Variants in VAV3 observed in about 807,000 individuals in gnomAD.
VAV3 encodes the protein vav guanine nucleotide exchange factor 3, also known as guanine nucleotide exchange factor VAV3.
In VAV3, 94 loss-of-function variants were observed where a neutral mutation model predicts 131.2. That is an observed-to-expected ratio of 0.72 (90% CI 0.61 to 0.85). The LOEUF (loss-of-function observed/expected upper bound fraction) is 0.85. Among genes scored for constraint, VAV3 ranks in the 40% least tolerant of loss-of-function variants. The probability of loss-of-function intolerance (pLI) is 0.00; values close to 1 mark genes in which losing one functional copy is unlikely to be tolerated. For missense variants in VAV3, 939 were observed against 1,002.7 expected (o/e 0.94, Z 0.86); for synonymous variants, 349 against 342.0 (o/e 1.02, Z -0.22).
At chr1:107,651,446 A>G (rs942701965) in intron 19 of VAV3, among the ~76,000 whole-genome samples, 1 of 151,362 alleles carries the variant, frequency 6.6e-6, no homozygotes, top group African/African-American at 2.4e-5. Flanking sequence ...TATATCTACT[A>G]GACTGTGACC....
intron 1 of VAV3, among the ~76,000 whole-genome samples, chr1:107,897,869 T>TA (rs1671676232): frequency 6.6e-6 from 1 of 152,190 alleles, no homozygotes; most frequent in Non-Finnish European, 1.5e-5. Context: ...CCTTACTTTC[T>TA]AAAATCCCCT....
chr1:107,851,082 T>C (rs1034475916), intron 2 of VAV3, among the ~76,000 whole-genome samples: 7 of 148,178 alleles, frequency 4.7e-5, no homozygotes, highest in East Asian at 2.0e-4. Context: ...AACTGCCACA[T>C]GAACAAAGAA....
chr1:107,705,503 T>A (rs1660389992), intron 15 of VAV3, among the ~76,000 whole-genome samples: 1 of 152,136 alleles, frequency 6.6e-6, no homozygotes, highest in South Asian at 2.1e-4. Context: ...TAATGGTCCA[T>A]AACAAGGAAT....
intron 19 of VAV3, among the ~76,000 whole-genome samples, chr1:107,658,972 T>C (rs1031418389): frequency 6.6e-5 from 10 of 152,198 alleles, no homozygotes; most frequent in African/African-American, 2.4e-4. Flanking sequence ...CATTTGTCAA[T>C]TTTGGCTTTT....
intron 6 of VAV3, 65 bp from the exon 7 acceptor site, chr1:107,768,574 T>C (rs1463520901): frequency 7.5e-7 from 1 of 1,332,050 alleles, no homozygotes; most frequent in Non-Finnish European, 1.1e-6. Flanking sequence ...TAATAGTTTT[T>C]CATCAACAAA....
At chr1:107,616,230 A>G (rs1048688622) in intron 21 of VAV3, among the ~76,000 whole-genome samples, 1 of 152,208 alleles carries the variant, frequency 6.6e-6, no homozygotes, top group East Asian at 1.9e-4. Context: ...AATATGGTAC[A>G]TATACACCAT....
Position 107,683,496 on chromosome 1 carries a change from A to T in VAV3, c.1769T>A (p.Val590Glu). 6.2e-7 allele frequency: 1 copy of T among 1,614,030 alleles called. No individual in the cohort carries two copies. The highest frequency in any genetic ancestry group is 2.2e-5 in the East Asian group (1 of 44,874). ...TTTAATCAGAAACACACCTGGATCC[A>T]CCTGTTTAGGAGTTCTTCGCAGTCC... ...TNGLRRTPKQ[V>E]DPGLPKMQVI... The change falls in exon 19 of 27, where the codon GTG becomes GAG. Residue 590 changes from valine to glutamate, a missense_variant. By Grantham distance (121) the Val-to-Glu change is moderately radical (BLOSUM62 -2). Transcript: ENST00000370056.
At chr1:107,608,233 C>T (rs575028953) in intron 22 of VAV3, among the ~76,000 whole-genome samples, 76 of 152,222 alleles carry the variant, frequency 5.0e-4, no homozygotes, top group African/African-American at 1.8e-3. Flanking sequence ...AACCTACCTT[C>T]GGGTGCCCTG....
intron 1 of VAV3, among the ~76,000 whole-genome samples, chr1:107,939,756 T>C (rs1408560754): frequency 6.6e-6 from 1 of 152,092 alleles, no homozygotes; most frequent in Non-Finnish European, 1.5e-5. Context: ...GAAGTGATCC[T>C]GAGGAGCAGA....
At chr1:107,611,692 T>C (rs980642397) in intron 21 of VAV3, among the ~76,000 whole-genome samples, 4 of 151,470 alleles carry the variant, frequency 2.6e-5, no homozygotes, top group Admixed American at 1.3e-4. Flanking sequence ...CCTTTGGCTG[T>C]TAAAAAGGCT....
At chr1:107,874,253 T>C (rs918477764) in intron 2 of VAV3, among the ~76,000 whole-genome samples, 2 of 152,224 alleles carry the variant, frequency 1.3e-5, no homozygotes, top group Non-Finnish European at 2.9e-5. Flanking sequence ...GAAATGATGA[T>C]TTGTTTCACT....
intron 19 of VAV3, among the ~76,000 whole-genome samples, chr1:107,682,773 C>T (rs1658739629): frequency 1.3e-5 from 2 of 152,274 alleles, no homozygotes; most frequent in African/African-American, 4.8e-5. Context: ...TTCTCATGTT[C>T]CCCTTGGTTT....
At chr1:107,794,685 C>A (rs759440212) in intron 2 of VAV3, among the ~76,000 whole-genome samples, 1 of 152,170 alleles carries the variant, frequency 6.6e-6, no homozygotes, top group Non-Finnish European at 1.5e-5. Flanking sequence ...ACCTTAGGAG[C>A]CCTGGAAGAC....
At chr1:107,721,447 G>C (rs1183696610) in intron 15 of VAV3, among the ~76,000 whole-genome samples, 1 of 152,150 alleles carries the variant, frequency 6.6e-6, no homozygotes. Context: ...GAAAAGCACT[G>C]AGAAAATGAG....
intron 22 of VAV3, among the ~76,000 whole-genome samples, chr1:107,605,756 A>G (rs1652213436): frequency 1.3e-5 from 2 of 152,240 alleles, no homozygotes; most frequent in African/African-American, 2.4e-5. Flanking sequence ...AGATATATAT[A>G]AAACATAAAT....
chr1:107,752,341 T>G (rs1345781597), intron 12 of VAV3, among the ~76,000 whole-genome samples: 1 of 152,124 alleles, frequency 6.6e-6, no homozygotes. Context: ...AAAGAATAAC[T>G]AAAAATGTTT....
chr1:107,790,872 G>C (rs12027220), intron 2 of VAV3, among the ~76,000 whole-genome samples: 1 of 151,730 alleles, frequency 6.6e-6, no homozygotes, highest in Non-Finnish European at 1.5e-5. Flanking sequence ...ATTTTTACTA[G>C]AGACGGGGTT....
intron 2 of VAV3, among the ~76,000 whole-genome samples, chr1:107,853,069 T>C (rs989856351): frequency 6.6e-6 from 1 of 152,230 alleles, no homozygotes. Flanking sequence ...TGGTCACTCA[T>C]ATTAATAAGT....
At chr1:107,694,326 G>C (rs1194774994) in intron 17 of VAV3, among the ~76,000 whole-genome samples, 1 of 152,150 alleles carries the variant, frequency 6.6e-6, no homozygotes, top group Non-Finnish European at 1.5e-5. Flanking sequence ...AGAGGAAATA[G>C]TAAGAGCCAA....
Sources: gnomAD v4.1 joint callset for allele counts (sites outside exome capture counted in the v4.1 genomes callset) on GRCh38, gnomAD v4.1.1 for gene constraint, MANE v1.5 for transcripts, NCBI Gene and HGNC (gene_info 2026-07-23, HGNC 2026-07-21) for gene names.